SORCS2: variants seen among roughly 807,000 people sequenced by gnomAD.
SORCS2 encodes the protein VPS10 domain-containing receptor SorCS2.
Under a neutral mutation model 141.6 loss-of-function variants are expected in SORCS2, and 100 were observed. The ratio of observed to expected loss-of-function variants is 0.71; its 90% CI spans 0.60 to 0.83. The LOEUF is 0.83. Among genes scored for constraint, SORCS2 ranks in the 40% least tolerant of loss-of-function variants. The pLI is 0.00. For synonymous variants in SORCS2, 789 were observed against 676.9 expected (o/e 1.17, Z -2.57); for missense variants, 1,646 against 1,560.2 (o/e 1.05, Z -0.93).
At chr4:7,549,992 TG>T (rs1370804237) in intron 3 of SORCS2, among the ~76,000 whole-genome samples, 1 of 151,970 alleles carries the variant, frequency 6.6e-6, no homozygotes, top group East Asian at 1.9e-4. Flanking sequence ...AGGAATTCGA[TG>T]TAACTAAAAT....
intron 20 of SORCS2, 44 bp from the exon 21 acceptor site, chr4:7,726,736 T>A (rs765177204): frequency 2.9e-5 from 46 of 1,600,800 alleles, no homozygotes; most frequent in Non-Finnish European, 3.7e-5. Flanking sequence ...CCACGGCCGC[T>A]GCCTCACTCG....
At chr4:7,640,152 G>A (rs564510001) in intron 4 of SORCS2, among the ~76,000 whole-genome samples, 86 of 151,546 alleles carry the variant, frequency 5.7e-4, no homozygotes, top group African/African-American at 2.0e-3. Context: ...TGAGTGTGTG[G>A]TGTGTATGGG....
chr4:7,242,655 C>T (rs1348857642), intron 1 of SORCS2, among the ~76,000 whole-genome samples: 1 of 152,208 alleles, frequency 6.6e-6, no homozygotes, highest in East Asian at 1.9e-4. Context: ...CTTTCCCAAG[C>T]CCGCCCACAC....
chr4:7,565,445 T>C (rs1222707206), intron 3 of SORCS2, among the ~76,000 whole-genome samples: 3 of 152,156 alleles, frequency 2.0e-5, no homozygotes, highest in Admixed American at 1.3e-4. Context: ...TAGGATGATA[T>C]GATGATGCTA....
chr4:7,333,405 C>T (rs1024269906), intron 1 of SORCS2, among the ~76,000 whole-genome samples: 3 of 152,306 alleles, frequency 2.0e-5, no homozygotes, highest in Non-Finnish European at 4.4e-5. Flanking sequence ...TTGGCCGGTG[C>T]GGCAGCCCAG....
chr4:7,401,254 G>T (rs1282859261), intron 2 of SORCS2, among the ~76,000 whole-genome samples: 1 of 152,094 alleles, frequency 6.6e-6, no homozygotes, highest in African/African-American at 2.4e-5. Flanking sequence ...TGAATGAATG[G>T]ATTGATGGAT....
intron 1 of SORCS2, among the ~76,000 whole-genome samples, chr4:7,197,500 T>C (rs547294841): frequency 6.6e-6 from 1 of 152,116 alleles, no homozygotes; most frequent in Admixed American, 6.5e-5. Context: ...ATAATGCTGA[T>C]GGGGAAATCA....
At chr4:7,596,176 C>T (rs529112821) in intron 3 of SORCS2, among the ~76,000 whole-genome samples, 11 of 152,126 alleles carry the variant, frequency 7.2e-5, no homozygotes, top group Admixed American at 2.6e-4. Flanking sequence ...AATAAGTATA[C>T]GATAGAATAG....
intron 14 of SORCS2, among the ~76,000 whole-genome samples, chr4:7,712,203 T>G (rs1431240160): frequency 6.6e-6 from 1 of 152,182 alleles, no homozygotes; most frequent in African/African-American, 2.4e-5. Context: ...TTGTTATTTC[T>G]CTTTGAATCG....
chr4:7,209,135 G>A (rs889700333), intron 1 of SORCS2, among the ~76,000 whole-genome samples: 2 of 152,242 alleles, frequency 1.3e-5, no homozygotes, highest in Non-Finnish European at 2.9e-5. Flanking sequence ...AACTGGCCTT[G>A]TTGTAGATGG....
rs994930487 is a variant in SORCS2, at chr4:7,655,845, C to T, written c.887+1638C>T. Among the ~76,000 whole-genome samples, 12 of 152,328 alleles carry T rather than the reference C, an allele frequency of 7.9e-5. No homozygotes were observed. In the East Asian group the frequency reaches 1.7e-3, roughly 22 times the overall value. ...AGCTCTGTTCACTCCCGGGCCAGGCCGGGCTCATGGACAGCTCTCCAGCCA... is the reference window on the plus strand; with the variant it reads ...AGCTCTGTTCACTCCCGGGCCAGGCTGGGCTCATGGACAGCTCTCCAGCCA... On this transcript the variant is annotated intron_variant, in intron 5 of 26. Transcript: ENST00000507866.
At chr4:7,340,976 C>G (rs1302852623) in intron 1 of SORCS2, among the ~76,000 whole-genome samples, 1 of 152,222 alleles carries the variant, frequency 6.6e-6, no homozygotes, top group Non-Finnish European at 1.5e-5. Flanking sequence ...TGCTGCATGG[C>G]CAGAGCAGCT....
At chr4:7,378,881 C>G (rs1421884401) in intron 1 of SORCS2, among the ~76,000 whole-genome samples, 1 of 152,234 alleles carries the variant, frequency 6.6e-6, no homozygotes. Flanking sequence ...CACATTTCCT[C>G]TTCTTGCCCT....
chr4:7,425,058 C>T (rs751350572), intron 2 of SORCS2, among the ~76,000 whole-genome samples: 15 of 152,256 alleles, frequency 9.9e-5, no homozygotes, highest in African/African-American at 3.1e-4. Context: ...GGTGCAGTTC[C>T]GGGAGGTGCC....
intron 1 of SORCS2, among the ~76,000 whole-genome samples, chr4:7,279,114 C>T (rs941459383): frequency 1.3e-5 from 2 of 152,170 alleles, no homozygotes; most frequent in Non-Finnish European, 2.9e-5. Flanking sequence ...TCCTAGCTGT[C>T]TGTGAGGGAG....
chr4:7,709,872 T>G (rs1453799525), intron 14 of SORCS2, among the ~76,000 whole-genome samples: 1 of 151,814 alleles, frequency 6.6e-6, no homozygotes, highest in Non-Finnish European at 1.5e-5. Context: ...GGGCGAGAGG[T>G]GGAGTGGAGG....
At chr4:7,578,699 GC>G (rs1417173898) in intron 3 of SORCS2, among the ~76,000 whole-genome samples, 1 of 152,166 alleles carries the variant, frequency 6.6e-6, no homozygotes, top group Non-Finnish European at 1.5e-5. Context: ...TTCATGACAG[GC>G]TTGTTCCCAC....
chr4:7,460,844 C>T (rs1729257864), intron 2 of SORCS2, among the ~76,000 whole-genome samples: 2 of 152,210 alleles, frequency 1.3e-5, no homozygotes, highest in South Asian at 4.1e-4. Flanking sequence ...CGTGAACTCA[C>T]AGTCGCCTCC....
At chr4:7,278,318 C>T (rs549476869) in intron 1 of SORCS2, among the ~76,000 whole-genome samples, 9 of 152,286 alleles carry the variant, frequency 5.9e-5, no homozygotes, top group East Asian at 1.9e-4. Flanking sequence ...CTGGTTGGGA[C>T]GAGTTCACTG....
Sources: gnomAD v4.1 joint callset for allele counts (sites outside exome capture counted in the v4.1 genomes callset) on GRCh38, gnomAD v4.1.1 for gene constraint, MANE v1.5 for transcripts, NCBI Gene and HGNC (gene_info 2026-07-23, HGNC 2026-07-21) for gene names.